Variants in SPTBN1 observed in about 807,000 individuals in gnomAD.
SPTBN1 encodes spectrin beta, non-erythrocytic 1, also known as spectrin beta chain, non-erythrocytic 1.
SPTBN1 carries 32 observed loss-of-function variants against 266.4 expected under a neutral mutation model. The ratio of observed to expected loss-of-function variants is 0.12; its 90% CI spans 0.09 to 0.16. SPTBN1 has a LOEUF of 0.16. Among genes scored for constraint, SPTBN1 ranks in the 10% least tolerant of loss-of-function variants. The pLI is 1.00. For missense variants in SPTBN1, 2,296 were observed against 3,067.1 expected (o/e 0.75, Z 5.94); for synonymous variants, 1,336 against 1,162.2 (o/e 1.15, Z -3.04).
chr2:54,647,033 ATCCT>A, intron 23 of SPTBN1, 94 bp from the exon 24 acceptor site: 1 of 1,572,642 alleles, frequency 6.4e-7, no homozygotes. Context: ...CTTTCTACTG[ATCCT>A]TCCTCCTACC....
chr2:54,462,814 T>C (rs1398751384), intron 1 of SPTBN1, among the ~76,000 whole-genome samples: 3 of 152,242 alleles, frequency 2.0e-5, no homozygotes, highest in Non-Finnish European at 2.9e-5. Context: ...GGTTAAAACA[T>C]GGCACATGCC....
At chr2:54,467,361 C>T (rs760808414) in intron 1 of SPTBN1, among the ~76,000 whole-genome samples, 5 of 152,128 alleles carry the variant, frequency 3.3e-5, no homozygotes, top group Non-Finnish European at 7.4e-5. Flanking sequence ...ACATTTTCCA[C>T]GGCATTTTGA....
At chr2:54,534,053 C>A (rs1391157125) in intron 2 of SPTBN1, among the ~76,000 whole-genome samples, 1 of 152,154 alleles carries the variant, frequency 6.6e-6, no homozygotes, top group Non-Finnish European at 1.5e-5. Flanking sequence ...CTTCATTTTC[C>A]ACTGCAGCAA....
At chr2:54,553,286 TGA>T (rs1431621021) in intron 2 of SPTBN1, among the ~76,000 whole-genome samples, 2 of 152,074 alleles carry the variant, frequency 1.3e-5, no homozygotes, top group African/African-American at 4.8e-5. Flanking sequence ...AAGAAAAGAA[TGA>T]TCTCAGTTAA....
chr2:54,552,200 G>C (rs1672614000), intron 2 of SPTBN1, among the ~76,000 whole-genome samples: 1 of 152,208 alleles, frequency 6.6e-6, no homozygotes, highest in Non-Finnish European at 1.5e-5. Flanking sequence ...GGTGAAGTAA[G>C]AGATGGCCAA....
intron 2 of SPTBN1, among the ~76,000 whole-genome samples, chr2:54,545,145 AT>A (rs1190360383): frequency 6.6e-6 from 1 of 152,180 alleles, no homozygotes; most frequent in Non-Finnish European, 1.5e-5. Flanking sequence ...CATTGTGTAT[AT>A]GTGCCACATT....
Position 54,664,704 on chromosome 2 carries a change from G to C in SPTBN1, c.6659+13G>C. The stretch of plus-strand genomic sequence containing the variant: ...AAGCCTCAAGCAGGTAACAGCAGCA[G>C]AGGCTGCCACAGTAAGATGGGAAGT... On this transcript the variant is annotated intron_variant, in intron 33 of 35. Transcript: ENST00000356805. The surrounding 1 kb of genome is among the most constrained non-coding windows in gnomAD (Gnocchi z 5.6). The C allele has an allele frequency of 6.2e-7, 1 of 1,612,524 alleles. No homozygotes were observed. Among genetic ancestry groups the C allele is most frequent in the Non-Finnish European group, 8.5e-7 (1 of 1,178,990 alleles).
At chr2:54,506,457 G>GTT (rs933374892) in intron 1 of SPTBN1, among the ~76,000 whole-genome samples, 1 of 146,244 alleles carries the variant, frequency 6.8e-6, no homozygotes, top group Non-Finnish European at 1.5e-5. Flanking sequence ...TATCTGTTTG[G>GTT]TTTTTTTTTT....
Position 54,486,905 on chromosome 2 carries a change from G to A in SPTBN1, c.-48+30387G>A, listed in dbSNP as rs974320255. Among the ~76,000 whole-genome samples the A allele has an allele frequency of 3.9e-5, 6 of 152,206 alleles. No homozygotes were observed. In the South Asian group the frequency reaches 1.2e-3, roughly 32 times the overall value. ...TTCTGATGCTTGTATTGAAAAAACT[G>A]CTTTTGCTTTGTAACAAGCAAACAT... On this transcript the variant is annotated intron_variant, in intron 1 of 35. Transcript: ENST00000356805.
In SPTBN1 at chr2:54,475,726, TC is replaced by T. The variant is rs762160402; in HGVS notation, c.-48+19209del. ...TTTAGTATTTTCCACTAATTCAGAC[TC>T]ATTGTTTAGTGAAAAGAATACAGCC... On this transcript the variant is annotated intron_variant, in intron 1 of 35. Transcript: ENST00000356805. 5.3e-5 allele frequency among the ~76,000 whole-genome samples: 8 copies of T among 152,314 alleles called. No homozygotes were observed. The East Asian group carries it at 1.2e-3, about 22-fold the overall frequency.
intron 1 of SPTBN1, among the ~76,000 whole-genome samples, chr2:54,467,992 C>T (rs1693723864): frequency 6.6e-6 from 1 of 151,734 alleles, no homozygotes; most frequent in South Asian, 2.1e-4. Flanking sequence ...ACTATGTGAC[C>T]CCGGAAACAT....
chr2:54,632,315 A>C (rs541858651), intron 16 of SPTBN1, among the ~76,000 whole-genome samples: 1 of 152,282 alleles, frequency 6.6e-6, no homozygotes, highest in South Asian at 2.1e-4. Context: ...AGGCTGATAC[A>C]CAAAGCTTTG....
At chr2:54,473,199 A>G (rs987034025) in intron 1 of SPTBN1, among the ~76,000 whole-genome samples, 1 of 152,224 alleles carries the variant, frequency 6.6e-6, no homozygotes, top group African/African-American at 2.4e-5. Flanking sequence ...TAAGTGCCTT[A>G]TACAGAGATT....
chr2:54,642,799 T>A (rs1158262408), intron 18 of SPTBN1, among the ~76,000 whole-genome samples, 184 bp from the exon 19 acceptor site: 1 of 152,300 alleles, frequency 6.6e-6, no homozygotes, highest in East Asian at 1.9e-4. Flanking sequence ...AGAGCTCAGG[T>A]ACAAGCTCCA....
rs148497802 is a variant in SPTBN1 at position 54,533,596 on chromosome 2, G to C, written c.148+7030G>C. ...ATGGAGTTTCGCTCTTGTCACCCAG[G>C]CTGTAGTACGATGGCGCGATCTTGG... On this transcript the variant is annotated intron_variant, in intron 2 of 35. Transcript: ENST00000356805. The surrounding 1 kb of genome is among the most constrained non-coding windows in gnomAD (Gnocchi z 4.2). 6.0e-3 allele frequency among the ~76,000 whole-genome samples: 920 copies of C among 152,230 alleles called. 8 individuals are homozygous for C. The highest frequency in any genetic ancestry group is 0.021 in the African/African-American group (882 of 41,540).
rs182251487 is a variant in SPTBN1 at position 54,636,335 on chromosome 2, A to G, written c.3768-1378A>G. On this transcript the variant is annotated intron_variant, in intron 17 of 35. Coordinates refer to ENST00000356805, the MANE Select transcript of SPTBN1 (RefSeq NM_003128.3). ...TGATATTTTTATTTACAATAATTGT[A>G]TGTAATACTGTAATTTACATAATAT... 1.6e-3 allele frequency among the ~76,000 whole-genome samples: 247 copies of G among 152,338 alleles called. 4 individuals carry two copies. In the South Asian group the frequency reaches 0.036, roughly 22 times the overall value.
intron 2 of SPTBN1, among the ~76,000 whole-genome samples, chr2:54,596,242 G>T (rs1025251952): frequency 6.6e-6 from 1 of 152,184 alleles, no homozygotes; most frequent in Non-Finnish European, 1.5e-5. Flanking sequence ...GCTGGGTGGG[G>T]AGTGCAGGGG....
intron 1 of SPTBN1, among the ~76,000 whole-genome samples, chr2:54,473,394 T>G (rs1412961503): frequency 2.0e-5 from 3 of 152,374 alleles, no homozygotes; most frequent in Middle Eastern, 3.4e-3. Context: ...GCAAATGAAT[T>G]CTATATGGCA....
intron 2 of SPTBN1, among the ~76,000 whole-genome samples, chr2:54,567,258 GATA>G (rs1451839984): frequency 6.6e-6 from 1 of 152,186 alleles, no homozygotes; most frequent in Admixed American, 6.5e-5. Context: ...ATTCTAGAAG[GATA>G]ATAAAGGATG....
Sources: allele counts gnomAD v4.1 joint callset (sites outside exome capture counted in the v4.1 genomes callset), GRCh38; gene constraint gnomAD v4.1.1; non-coding constraint Gnocchi (gnomAD v3.1); transcripts MANE v1.5; gene names NCBI Gene and HGNC (gene_info 2026-07-23, HGNC 2026-07-21).